The following MYBPC1 variants were observed in gnomAD, a reference collection of about 807,000 sequenced individuals.
The protein encoded by MYBPC1 is myosin binding protein C1.
MYBPC1 carries 52 observed loss-of-function variants against 147.1 expected under a neutral mutation model. The ratio of observed to expected loss-of-function variants is 0.35; its 90% confidence interval spans 0.28 to 0.45. MYBPC1 has a LOEUF of 0.45. Ranked by LOEUF, MYBPC1 falls within the 20% of genes least tolerant of loss-of-function variation. The pLI, the probability that MYBPC1 is intolerant of heterozygous loss-of-function variation, is 1.00. For synonymous variants in MYBPC1, 477 were observed against 475.9 expected, an observed-to-expected ratio of 1.00 and a Z score of -0.03; for missense variants, 1,228 against 1,440.3, an observed-to-expected ratio of 0.85 and a Z score of 2.39.
chr12:101,677,645 A>C (rs1308215895), intron 27 of MYBPC1, among the ~76,000 whole-genome samples: 16 of 152,224 alleles, frequency 1.1e-4, no homozygotes. Context: ...ATAAATGGCT[A>C]ATACCCCAGA....
chr12:101,606,601 G>A (rs964575802), intron 1 of MYBPC1, among the ~76,000 whole-genome samples: 1 of 151,884 alleles, frequency 6.6e-6, no homozygotes, highest in South Asian at 2.1e-4. Context: ...ACCATGCCCA[G>A]CCTACTTCTT....
intron 24 of MYBPC1, among the ~76,000 whole-genome samples, chr12:101,672,091 A>G (rs953176): frequency 0.048 from 7,244 of 152,246 alleles, 578 homozygotes; most frequent in African/African-American, 0.16. Flanking sequence ...TCCACTCTGT[A>G]TATTATTAGA....
intron 1 of MYBPC1, among the ~76,000 whole-genome samples, chr12:101,604,209 A>G (rs552118683): frequency 2.0e-5 from 3 of 152,190 alleles, no homozygotes; most frequent in Non-Finnish European, 4.4e-5. Flanking sequence ...CTATGTAATA[A>G]GGACCATATT....
chr12:101,606,727 A>T (rs1882342086), intron 1 of MYBPC1, among the ~76,000 whole-genome samples: 1 of 152,206 alleles, frequency 6.6e-6, no homozygotes, highest in South Asian at 2.1e-4. Flanking sequence ...GTTGAATTAA[A>T]CATTGATTTT....
intron 23 of MYBPC1, among the ~76,000 whole-genome samples, 198 bp from the exon 24 acceptor site, chr12:101,670,123 C>CCACACACACACACACACA (rs58177042): frequency 2.1e-5 from 3 of 146,310 alleles, no homozygotes; most frequent in African/African-American, 7.6e-5. Flanking sequence ...TGTGTGGAAA[C>CCACACACACACACACACA]CACACACACA....
intron 15 of MYBPC1, among the ~76,000 whole-genome samples, chr12:101,650,433 T>C (rs553343439): frequency 3.3e-5 from 5 of 150,690 alleles, no homozygotes; most frequent in South Asian, 4.2e-4. Flanking sequence ...CTTACAATCA[T>C]GGCAGAAGGG....
At chr12:101,664,118 TATCTC>T (rs1229701554) in intron 22 of MYBPC1, among the ~76,000 whole-genome samples, 3 of 152,202 alleles carry the variant, frequency 2.0e-5, no homozygotes, top group African/African-American at 4.8e-5. Flanking sequence ...AGCAGTAACT[TATCTC>T]AGGAGTTGGG....
chr12:101,635,960 C>T (rs1167232146), intron 9 of MYBPC1, among the ~76,000 whole-genome samples: 1 of 152,248 alleles, frequency 6.6e-6, no homozygotes, highest in Middle Eastern at 3.4e-3. Context: ...ATTTAAGATG[C>T]ATTTCTCTAC....
At chr12:101,634,303 C>T (rs956422469) in intron 8 of MYBPC1, among the ~76,000 whole-genome samples, 1 of 152,154 alleles carries the variant, frequency 6.6e-6, no homozygotes, top group Non-Finnish European at 1.5e-5. Flanking sequence ...ATTTCTAAGT[C>T]CCTCAGTGAT....
chr12:101,658,412 A>C (rs757740721), intron 18 of MYBPC1, among the ~76,000 whole-genome samples: 4 of 152,032 alleles, frequency 2.6e-5, no homozygotes, highest in Non-Finnish European at 4.4e-5. Flanking sequence ...TCTACCGTAA[A>C]AAGAAAAACC....
Position 101,673,459 on chromosome 12 carries a change from G to C in MYBPC1, c.2646G>C (p.Lys882Asn). 6.2e-7 allele frequency: 1 copy of C among 1,613,260 alleles called. No individual in the cohort carries two copies. Among genetic ancestry groups the C allele is most frequent in the Non-Finnish European group, 8.5e-7 (1 of 1,179,964 alleles). Residue 882 changes from lysine to asparagine, a missense_variant, in exon 25 of 32, where the codon AAG becomes AAC. By Grantham distance (94) the Lys-to-Asn change is moderately conservative (BLOSUM62 0). Around this residue, in one of 2 missense-constraint regions of MYBPC1, gnomAD observed 1,077 missense variants for 1,314.2 expected, o/e 0.82. Transcript: ENST00000361466. ...GKPRPELTWK[K>N]DGAEIDKNQI... Reference sequence around the variant, plus strand: ...CAAGACCAGAATTAACTTGGAAGAAGGATGGTGCAGAAATTGATAAGAATC... The same window carrying C: ...CAAGACCAGAATTAACTTGGAAGAACGATGGTGCAGAAATTGATAAGAATC...
rs967395490 is a variant in MYBPC1, at chr12:101,614,669, T to C, written c.61+138T>C. ...CTGAGAAGTTGGATGGTGACCATTGTGATAAGTTGAGAATAATAAAAATAA... is the reference window on the plus strand; with the variant it reads ...CTGAGAAGTTGGATGGTGACCATTGCGATAAGTTGAGAATAATAAAAATAA... On this transcript the variant is annotated intron_variant, in intron 2 of 31. Coordinates refer to ENST00000361466, the MANE Select transcript of MYBPC1 (RefSeq NM_002465.4). The C allele has an allele frequency of 4.8e-6, 4 of 833,126 alleles. No individual in the cohort carries two copies. The Admixed American group carries it at 6.1e-5, about 13-fold the overall frequency. The allele number at this position is 833,126 out of a possible 1,614,324, so 51.6% of individuals were successfully genotyped here.
chr12:101,607,762 G>A lies in MYBPC1; in HGVS notation c.26-6734G>A, dbSNP rs374986438. The stretch of plus-strand genomic sequence containing the variant: ...TAATGTAATATTTGAGACAGCCCAC[G>A]GGAAGAAGAGAACTGGGTGTTTTGT... On this transcript the variant is annotated intron_variant, in intron 1 of 31. Coordinates refer to ENST00000361466, the MANE Select transcript of MYBPC1 (RefSeq NM_002465.4). Among the ~76,000 whole-genome samples, 18 of 152,270 alleles carry A rather than the reference G, an allele frequency of 1.2e-4. No individual in the cohort carries two copies. The South Asian group carries it at 1.9e-3, about 16-fold the overall frequency.
At chr12:101,660,608 C>G (rs1329246990) in intron 19 of MYBPC1, 1 of 164,068 alleles carries the variant, frequency 6.1e-6, no homozygotes, top group Non-Finnish European at 1.3e-5. Flanking sequence ...CTTCCCTTAT[C>G]CCATATTGAG....
intron 10 of MYBPC1, among the ~76,000 whole-genome samples, chr12:101,641,284 G>C (rs952895934): frequency 6.6e-6 from 1 of 151,992 alleles, no homozygotes; most frequent in South Asian, 2.1e-4. Context: ...TCAGCATTAC[G>C]GTAAGCAGTC....
Position 101,675,302 on chromosome 12 carries a change from T to G in MYBPC1, c.2820T>G (p.Gly940=). 2 of 1,614,044 alleles carry G rather than the reference T, an allele frequency of 1.2e-6. No individual in the cohort carries two copies. Among genetic ancestry groups the G allele is most frequent in the Non-Finnish European group, 1.7e-6 (2 of 1,179,966 alleles). The change falls in exon 26 of 32, where the codon GGT becomes GGG. Residue 940 remains glycine (G), a synonymous_variant. Transcript: ENST00000361466. Reference sequence around the variant, plus strand: ...GAATTCATCCTGTAGACCGTCCAGGTCCACCCCAAATTGTGAAGATTGAGG... The same window carrying G: ...GAATTCATCCTGTAGACCGTCCAGGGCCACCCCAAATTGTGAAGATTGAGG... ...SIDIQIIDRP[G]PPQIVKIEDV...
intron 2 of MYBPC1, among the ~76,000 whole-genome samples, chr12:101,616,605 C>T (rs1405923671): frequency 6.6e-6 from 1 of 152,112 alleles, no homozygotes; most frequent in Admixed American, 6.6e-5. Flanking sequence ...CTAATATGAT[C>T]CCAAACACAG....
intron 1 of MYBPC1, among the ~76,000 whole-genome samples, chr12:101,606,316 CTATT>C (rs778474291): frequency 1.6e-4 from 24 of 151,972 alleles, no homozygotes; most frequent in Admixed American, 7.2e-4. Flanking sequence ...ACTTCACTGT[CTATT>C]TGTTAGAGAA....
chr12:101,662,645 T>G, intron 21 of MYBPC1, 99 bp downstream of exon 21: 1 of 1,351,508 alleles, frequency 7.4e-7, no homozygotes. Context: ...GGACACTTCT[T>G]AGAGTTGTAG....
Sources: allele counts gnomAD v4.1 joint callset (sites outside exome capture counted in the v4.1 genomes callset), GRCh38; gene constraint gnomAD v4.1.1; regional missense constraint gnomAD v4.1.1; transcripts MANE v1.5; gene names NCBI Gene and HGNC (gene_info 2026-07-23, HGNC 2026-07-21).